ABHD17B: variants seen among roughly 807,000 people sequenced by gnomAD.
ABHD17B encodes the protein abhydrolase domain containing 17B, depalmitoylase, also known as alpha/beta hydrolase domain-containing protein 17B.
ABHD17B carries 9 observed loss-of-function variants against 26.2 expected under a neutral mutation model. The ratio of observed to expected loss-of-function variants is 0.34; its 90% CI spans 0.21 to 0.60. The LOEUF (loss-of-function observed/expected upper bound fraction) is 0.60, where lower values mean the gene tolerates loss of function less well. ABHD17B is among the 20% of genes least tolerant of loss of function. The probability of loss-of-function intolerance (pLI) is 0.80; values close to 1 mark genes in which losing one functional copy is unlikely to be tolerated. For synonymous variants in ABHD17B, 127 were observed against 122.3 expected (o/e 1.04, Z -0.25); for missense variants, 224 against 352.1 (o/e 0.64, Z 2.91).
At position 71,866,608 on chromosome 9, in the gene ABHD17B, T is replaced by A. The variant is rs1825962683; in HGVS notation, c.*179A>T. On this transcript the variant is annotated 3_prime_UTR_variant, in exon 4 of 4. Coordinates refer to ENST00000333421, the MANE Select transcript of ABHD17B (RefSeq NM_001025780.3). ...ACAGCCTGACTGCACGGTACTGTTA[T>A]TTCCAGTTTTTAGTTCTGGTAATTA... 7.0e-7 allele frequency: 1 copy of A among 1,433,576 alleles called. No homozygotes were observed. Among genetic ancestry groups the A allele is most frequent in the Non-Finnish European group, 9.1e-7 (1 of 1,100,004 alleles). The allele number at this position is 1,433,576 out of a possible 1,614,324, so 88.8% of individuals were successfully genotyped here. A position where few individuals can be genotyped will look rare whatever the true frequency, so the allele number is the denominator to read the frequency against.
At chr9:71,900,542 C>G (rs1210901385) in intron 1 of ABHD17B, among the ~76,000 whole-genome samples, 1 of 150,468 alleles carries the variant, frequency 6.6e-6, no homozygotes, top group Non-Finnish European at 1.5e-5. Context: ...CCCAGGATTA[C>G]TCGGGAGGCT....
chr9:71,872,607 T>G (rs1826145309), intron 2 of ABHD17B, among the ~76,000 whole-genome samples: 1 of 152,102 alleles, frequency 6.6e-6, no homozygotes, highest in South Asian at 2.1e-4. Flanking sequence ...ACTTCATTAT[T>G]CCACTGAAGT....
In ABHD17B at chr9:71,865,352, A is replaced by T. The variant is rs939385985; in HGVS notation, c.*1435T>A. The T allele has an allele frequency of 2.0e-6, 2 of 982,486 alleles. No homozygotes were observed. The highest frequency in any genetic ancestry group is 9.4e-5 in the South Asian group (2 of 21,210). 60.9% of individuals were successfully genotyped at this position (982,486 alleles called of 1,614,324 possible). The stretch of plus-strand genomic sequence containing the variant: ...CCATATTCATTCATTTACAAATTAG[A>T]CTACATACCATTAATTTTATTTTTA... On this transcript the variant is annotated 3_prime_UTR_variant, in exon 4 of 4. Coordinates refer to ENST00000333421, the MANE Select transcript of ABHD17B (RefSeq NM_001025780.3).
At chr9:71,887,948 T>C (rs935948840) in intron 1 of ABHD17B, among the ~76,000 whole-genome samples, 1 of 152,378 alleles carries the variant, frequency 6.6e-6, no homozygotes, top group Admixed American at 6.5e-5. Flanking sequence ...GCTATCTATA[T>C]GTTTTAATCC....
At chr9:71,880,678 T>TA (rs1430916847) in intron 1 of ABHD17B, among the ~76,000 whole-genome samples, 4 of 151,912 alleles carry the variant, frequency 2.6e-5, no homozygotes, top group Admixed American at 6.6e-5. Flanking sequence ...TAAAAATAGT[T>TA]AAAAAAATTA....
Position 71,870,078 on chromosome 9 carries a change from C to T in ABHD17B, c.647+5G>A. 1 of 1,598,982 alleles carries T rather than the reference C, an allele frequency of 6.3e-7. No homozygotes were observed. The highest frequency in any genetic ancestry group is 8.5e-7 in the Non-Finnish European group (1 of 1,175,362). On this transcript the variant is annotated splice_donor_5th_base_variant and intron_variant, in intron 3 of 3. Coordinates refer to ENST00000333421, the MANE Select transcript of ABHD17B (RefSeq NM_001025780.3). ...AATTTAACTATTTTGAATATTGCTA[C>T]TTACTTTGGGAATGCATCAAAACAG...
chr9:71,880,618 T>C (rs988642925), intron 1 of ABHD17B, among the ~76,000 whole-genome samples: 9 of 152,152 alleles, frequency 5.9e-5, no homozygotes, highest in African/African-American at 1.9e-4. Flanking sequence ...GGCAAATGCA[T>C]GAACTTAGGT....
At chr9:71,900,115 TTTA>T (rs1359212440) in intron 1 of ABHD17B, among the ~76,000 whole-genome samples, 2 of 152,226 alleles carry the variant, frequency 1.3e-5, no homozygotes, top group Admixed American at 1.3e-4. Context: ...ATTCTCTGAA[TTTA>T]TTAAGATTGC....
intron 2 of ABHD17B, among the ~76,000 whole-genome samples, chr9:71,874,149 A>G (rs73469941): frequency 0.012 from 1,878 of 152,138 alleles, 32 homozygotes; most frequent in African/African-American, 0.042. Flanking sequence ...GAAAGCTTAC[A>G]AAAACCAAAC....
intron 1 of ABHD17B, among the ~76,000 whole-genome samples, chr9:71,879,662 T>C (rs897998075): frequency 2.0e-5 from 3 of 152,106 alleles, no homozygotes; most frequent in Non-Finnish European, 4.4e-5. Flanking sequence ...CAAAAAGCAA[T>C]GGAGAACCAA....
rs1342956973 is a variant in ABHD17B at position 71,870,249 on chromosome 9, G to A, written c.481C>T (p.Pro161Ser). 2.5e-6 allele frequency: 4 copies of A among 1,585,722 alleles called. No individual in the cohort carries two copies. The highest frequency in any genetic ancestry group is 3.4e-6 in the Non-Finnish European group (4 of 1,169,060). ...LALRTRYGIR[P>S]ENVIIYGQSI... ...TGGCCATATATAATCACATTTTCAGGGCGAATGCCATATCTACAAAGTTCA... is the reference window on the plus strand; with the variant it reads ...TGGCCATATATAATCACATTTTCAGAGCGAATGCCATATCTACAAAGTTCA... The change falls in exon 3 of 4, where the codon CCT becomes TCT. Residue 161 changes from proline to serine, a missense_variant. Coordinates refer to ENST00000333421, the MANE Select transcript of ABHD17B (RefSeq NM_001025780.3).
rs1331325432 is a variant in ABHD17B, at chr9:71,878,065, A to G, written c.-3-2982T>C. ...AAGTCTGAAAAATTTCACAAAAACT[A>G]TAAACAAAACAAATAAATCTAGGTT... is the stretch of plus-strand genomic sequence containing the variant. On this transcript the variant is annotated intron_variant, in intron 1 of 3. Transcript: ENST00000333421. Among the ~76,000 whole-genome samples, 3 of 152,184 alleles carry G rather than the reference A, an allele frequency of 2.0e-5. No homozygotes were observed. In the East Asian group the frequency reaches 5.8e-4, roughly 29 times the overall value.
In ABHD17B at chr9:71,881,164, AAC is replaced by A. The variant is rs368086634; in HGVS notation, c.-3-6083_-3-6082del. Among the ~76,000 whole-genome samples, 169 of 152,344 alleles carry A rather than the reference AAC, an allele frequency of 1.1e-3. 2 individuals carry two copies. The highest frequency in any genetic ancestry group is 3.9e-3 in the African/African-American group (164 of 41,580). ...AAGGACAAATATATCTAAGGAATAG[AAC>A]TGAGAATCCAGAAATAAACCTGACA... On this transcript the variant is annotated intron_variant, in intron 1 of 3. Coordinates refer to ENST00000333421, the MANE Select transcript of ABHD17B (RefSeq NM_001025780.3).
intron 1 of ABHD17B, among the ~76,000 whole-genome samples, chr9:71,895,059 G>C (rs1008050168): frequency 3.3e-5 from 5 of 152,144 alleles, no homozygotes; most frequent in African/African-American, 1.2e-4. Context: ...AAATCAAACA[G>C]TATTATTATT....
At chr9:71,887,641 C>G (rs112706351) in intron 1 of ABHD17B, among the ~76,000 whole-genome samples, 2 of 152,218 alleles carry the variant, frequency 1.3e-5, no homozygotes, top group African/African-American at 2.4e-5. Context: ...CCCTAATGGG[C>G]AGTGCTGAAC....
At chr9:71,882,863 T>C (rs1038809995) in intron 1 of ABHD17B, among the ~76,000 whole-genome samples, 2 of 151,848 alleles carry the variant, frequency 1.3e-5, no homozygotes, top group African/African-American at 4.8e-5. Context: ...ATTAAAAACA[T>C]TGCCGGGCGC....
chr9:71,892,441 G>T (rs1178559485), intron 1 of ABHD17B, among the ~76,000 whole-genome samples: 6 of 151,932 alleles, frequency 3.9e-5, no homozygotes, highest in Non-Finnish European at 5.9e-5. Flanking sequence ...GCTGAGGCAG[G>T]AGAATGGCAT....
chr9:71,885,357 G>C (rs1826575308), intron 1 of ABHD17B, among the ~76,000 whole-genome samples: 1 of 151,316 alleles, frequency 6.6e-6, no homozygotes, highest in African/African-American at 2.4e-5. Context: ...CTACTCAGGA[G>C]TCTGAGGCAG....
chr9:71,896,264 A>G (rs756725676), intron 1 of ABHD17B, among the ~76,000 whole-genome samples: 105 of 152,296 alleles, frequency 6.9e-4, no homozygotes, highest in Middle Eastern at 3.4e-3. Flanking sequence ...TCAGCTGTAG[A>G]TAGGAATTTC....
Sources: gnomAD v4.1 joint callset for allele counts (sites outside exome capture counted in the v4.1 genomes callset) on GRCh38, gnomAD v4.1.1 for gene constraint, MANE v1.5 for transcripts, NCBI Gene and HGNC (gene_info 2026-07-23, HGNC 2026-07-21) for gene names.